The following TRPC5 variants were observed in gnomAD, a reference collection of about 807,000 sequenced individuals.
TRPC5 encodes transient receptor potential cation channel subfamily C member 5, also known as short transient receptor potential channel 5.
TRPC5 carries 9 observed loss-of-function variants against 56.5 expected under a neutral mutation model. The ratio of observed to expected loss-of-function variants is 0.16; its 90% CI spans 0.10 to 0.28. TRPC5 has a LOEUF of 0.28. Ranked by LOEUF, TRPC5 falls within the 10% of genes least tolerant of loss-of-function variation. TRPC5 has a pLI of 1.00. For missense variants in TRPC5, 469 were observed against 748.9 expected (o/e 0.63, Z 4.36); for synonymous variants, 282 against 278.5 (o/e 1.01, Z -0.13).
intron 1 of TRPC5, among the ~76,000 whole-genome samples, chrX:112,000,856 C>G (rs1311231664): frequency 8.9e-6 from 1 of 111,848 alleles, no homozygotes; most frequent in Non-Finnish European, 1.9e-5. Context: ...TTTCACTGAC[C>G]AAAGCCTCCT....
intron 7 of TRPC5, among the ~76,000 whole-genome samples, chrX:111,817,323 AT>A (rs148024546): frequency 0.027 from 2,204 of 82,885 alleles, 42 homozygotes; most frequent in African/African-American, 0.092. Flanking sequence ...CTCTTATCTG[AT>A]TTTTTTTTTT....
In TRPC5 at chrX:111,782,149, T is replaced by C. The variant is rs1945924741; in HGVS notation, c.1897-11A>G. ...GATATCAGCATGATCCTATGAAAGA[T>C]AATGAAGTTCAAGGATTTGGGATGG... On this transcript the variant is annotated splice_polypyrimidine_tract_variant and intron_variant, in intron 7 of 10. Coordinates refer to ENST00000262839, the MANE Select transcript of TRPC5 (RefSeq NM_012471.3). 8.4e-7 allele frequency: 1 copy of C among 1,188,848 alleles called. No homozygotes were observed. Among genetic ancestry groups the C allele is most frequent in the African/African-American group, 1.8e-5 (1 of 56,683 alleles).
chrX:111,933,730 G>A (rs192961545), intron 2 of TRPC5, among the ~76,000 whole-genome samples: 14 of 111,537 alleles, frequency 1.3e-4, no homozygotes, highest in African/African-American at 4.6e-4. Context: ...TGAGAGCCAA[G>A]CATCACTGTT....
chrX:111,881,301 C>T (rs748617004), intron 3 of TRPC5, among the ~76,000 whole-genome samples: 76 of 110,335 alleles, frequency 6.9e-4, no homozygotes, highest in African/African-American at 2.4e-3. Context: ...CTCAGCTTCC[C>T]GAGTAGCTGG....
intron 7 of TRPC5, among the ~76,000 whole-genome samples, chrX:111,821,399 C>T (rs761095498): frequency 1.8e-5 from 2 of 111,721 alleles, no homozygotes; most frequent in African/African-American, 3.3e-5. Flanking sequence ...TAAAGAAAAG[C>T]GGATTTACCT....
intron 1 of TRPC5, among the ~76,000 whole-genome samples, chrX:112,002,441 T>C (rs1357172787): frequency 9.0e-6 from 1 of 111,636 alleles, no homozygotes; most frequent in Non-Finnish European, 1.9e-5. Flanking sequence ...ACAGACCTGA[T>C]CCACCACACC....
chrX:112,010,264 C>T (rs1408834467), intron 1 of TRPC5, among the ~76,000 whole-genome samples: 2 of 112,227 alleles, frequency 1.8e-5, no homozygotes, highest in Middle Eastern at 4.6e-3. Context: ...CAGCTCAAAT[C>T]GTAGCCTGGT....
chrX:111,905,742 G>A (rs1014282796), intron 3 of TRPC5, among the ~76,000 whole-genome samples: 12 of 108,800 alleles, frequency 1.1e-4, no homozygotes, highest in South Asian at 4.0e-4. Context: ...ATGAAACCCC[G>A]TCTCTACTAA....
intron 6 of TRPC5, among the ~76,000 whole-genome samples, chrX:111,838,148 C>G (rs1014899672): frequency 9.0e-6 from 1 of 111,141 alleles, no homozygotes; most frequent in Non-Finnish European, 1.9e-5. Context: ...AATCTGCCTT[C>G]AACTCTGCTG....
Position 111,773,227 on chromosome X carries a change from T to C in TRPC5, c.*3086A>G, listed in dbSNP as rs187434774. Among the ~76,000 whole-genome samples, 149 of 112,153 alleles carry C rather than the reference T, an allele frequency of 1.3e-3. 1 individual carries two copies. Among genetic ancestry groups the C allele is most frequent in the Non-Finnish European group, 2.3e-3 (125 of 53,224 alleles). ...GTTTGGCATTTTCCGAAAATGATTT[T>C]AAATTTAGTCTTTCCTCTGTATTTC... is the stretch of plus-strand genomic sequence containing the variant. On this transcript the variant is annotated 3_prime_UTR_variant, in exon 11 of 11. Coordinates refer to ENST00000262839, the MANE Select transcript of TRPC5 (RefSeq NM_012471.3).
At chrX:111,799,057 T>A (rs1921214917) in intron 7 of TRPC5, among the ~76,000 whole-genome samples, 1 of 111,228 alleles carries the variant, frequency 9.0e-6, no homozygotes, top group Non-Finnish European at 1.9e-5. Flanking sequence ...TTAATGCAGA[T>A]GAAAGTGTTC....
intron 1 of TRPC5, among the ~76,000 whole-genome samples, chrX:112,081,155 C>T (rs1930954975): frequency 8.9e-6 from 1 of 112,014 alleles, no homozygotes; most frequent in Non-Finnish European, 1.9e-5. Context: ...CTTCTAGTCT[C>T]ATTCTAAGAG....
chrX:111,976,298 T>C (rs1023018605), intron 1 of TRPC5, among the ~76,000 whole-genome samples: 4 of 110,132 alleles, frequency 3.6e-5, no homozygotes, highest in Non-Finnish European at 5.7e-5. Context: ...TGGTGTGCAC[T>C]TGTAATTTCA....
At chrX:111,886,054 T>A (rs779931129) in intron 3 of TRPC5, among the ~76,000 whole-genome samples, 1 of 111,641 alleles carries the variant, frequency 9.0e-6, no homozygotes, top group East Asian at 2.8e-4. Context: ...CCAAGACGGG[T>A]GGATCACCTC....
At chrX:111,942,816 GATATC>G (rs1228174743) in intron 2 of TRPC5, among the ~76,000 whole-genome samples, 2 of 112,214 alleles carry the variant, frequency 1.8e-5, no homozygotes, top group African/African-American at 6.5e-5. Context: ...GAATTATCAT[GATATC>G]ATATCATTAA....
In TRPC5 at chrX:111,771,337, T is replaced by C. The variant is rs1436837555; in HGVS notation, c.*4976A>G. ...TTAGTTTTATGTTTAAATATTATAA[T>C]TCTTAATATGTATATGTCTCTCAGG... On this transcript the variant is annotated 3_prime_UTR_variant, in exon 11 of 11. Transcript: ENST00000262839. Among the ~76,000 whole-genome samples, 2 of 111,910 alleles carry C rather than the reference T, an allele frequency of 1.8e-5. No individual in the cohort carries two copies. The highest frequency in any genetic ancestry group is 3.8e-5 in the Non-Finnish European group (2 of 53,201).
At chrX:111,918,049 G>A (rs754409116) in intron 2 of TRPC5, among the ~76,000 whole-genome samples, 1 of 111,523 alleles carries the variant, frequency 9.0e-6, no homozygotes, top group East Asian at 2.8e-4. Context: ...GGGAGGACCC[G>A]GGGAGGAGGG....
rs761755448 is a variant in TRPC5 at position 112,026,236 on chromosome X, T to C, written c.-22+55643A>G. Among the ~76,000 whole-genome samples, 3 of 112,155 alleles carry C rather than the reference T, an allele frequency of 2.7e-5. No individual in the cohort carries two copies. The South Asian group carries it at 1.1e-3, about 42-fold the overall frequency. ...CCCCCTGTGATTGTATCCACCTACA[T>C]GATTTGTCTCCAGCACTTATTTGGC... On this transcript the variant is annotated intron_variant, in intron 1 of 10. Transcript: ENST00000262839.
chrX:111,983,940 T>C (rs759873463), intron 1 of TRPC5, among the ~76,000 whole-genome samples: 1 of 111,688 alleles, frequency 9.0e-6, no homozygotes, highest in South Asian at 3.8e-4. Flanking sequence ...TTCATTTAAC[T>C]TACATTTGTC....
Sources: allele counts gnomAD v4.1 joint callset (sites outside exome capture counted in the v4.1 genomes callset), GRCh38; gene constraint gnomAD v4.1.1; transcripts MANE v1.5; gene names NCBI Gene and HGNC (gene_info 2026-07-23, HGNC 2026-07-21).